The following DAP3 variants were observed in gnomAD, a reference collection of about 807,000 sequenced individuals.
DAP3 encodes death associated protein 3.
A neutral mutation model predicts 51.9 loss-of-function variants in DAP3; 28 were observed. The observed-to-expected ratio is 0.54, with a 90% CI of 0.40 to 0.74. The LOEUF is 0.74. DAP3 is among the 30% of genes least tolerant of loss of function. DAP3 has a pLI of 0.00. For missense variants in DAP3, 458 were observed against 483.5 expected, an observed-to-expected ratio of 0.95 and a Z score of 0.49; for synonymous variants, 170 against 170.3, an observed-to-expected ratio of 1.00 and a Z score of 0.01.
intron 1 of DAP3, among the ~76,000 whole-genome samples, chr1:155,698,979 G>A (rs1349007218): frequency 6.6e-6 from 1 of 152,168 alleles, no homozygotes; most frequent in Non-Finnish European, 1.5e-5. Flanking sequence ...GCACCAGAAT[G>A]TAGGGGACCA....
At chr1:155,689,073 A>T (rs41264949), upstream of DAP3, 2 of 1,495,176 alleles carry the variant, frequency 1.3e-6, no homozygotes, top group East Asian at 2.4e-5. Context: ...TTCCTGCCGG[A>T]TGACCCGACC....
Position 155,717,093 on chromosome 1 carries a change from C to G in DAP3, c.133C>G (p.Pro45Ala), listed in dbSNP as rs370236932. 2.5e-6 allele frequency: 4 copies of G among 1,613,972 alleles called. No homozygotes were observed. Among genetic ancestry groups the G allele is most frequent in the Non-Finnish European group, 3.4e-6 (4 of 1,180,048 alleles). Residue 45 changes from proline to alanine, a missense_variant, in exon 3 of 13, where the codon CCG (proline) becomes GCG (alanine). Transcript: ENST00000368336. ...HLDNQVPVESPRAISRTNEND... is the reference protein window; with the variant it reads ...HLDNQVPVESARAISRTNEND... Reference sequence around the variant, plus strand: ...AGATAACCAGGTTCCAGTTGAGAGTCCGAGAGCTATTTCCCGCACCAATGA... The same window carrying G: ...AGATAACCAGGTTCCAGTTGAGAGTGCGAGAGCTATTTCCCGCACCAATGA...
At chr1:155,737,742 T>C (rs1659952400) in intron 12 of DAP3, among the ~76,000 whole-genome samples, 1 of 150,146 alleles carries the variant, frequency 6.7e-6, no homozygotes, top group East Asian at 2.0e-4. Context: ...CTAGGCAATA[T>C]AGTGAGACCC....
intron 2 of DAP3, among the ~76,000 whole-genome samples, chr1:155,710,904 T>C (rs1221848241): frequency 6.6e-6 from 1 of 152,078 alleles, no homozygotes; most frequent in Non-Finnish European, 1.5e-5. Context: ...TATGGTGCTC[T>C]TACAGCACCA....
chr1:155,700,519 GGGGC>G (rs1489811602), intron 1 of DAP3, among the ~76,000 whole-genome samples: 8 of 150,036 alleles, frequency 5.3e-5, no homozygotes, highest in South Asian at 4.2e-4. Flanking sequence ...GGAGGTGGGG[GGGGC>G]GGTCAGCCCC....
intron 1 of DAP3, 84 bp downstream of exon 1, chr1:155,689,258 C>A: frequency 1.5e-6 from 1 of 669,780 alleles, no homozygotes; most frequent in Non-Finnish European, 2.7e-6. Flanking sequence ...GGAGTGAGGC[C>A]GGTAGACCGG....
rs1659236117 is a variant in DAP3 at position 155,731,426 on chromosome 1, A to G, written c.903+11A>G. On this transcript the variant is annotated intron_variant, in intron 10 of 12. Coordinates refer to ENST00000368336, the MANE Select transcript of DAP3 (RefSeq NM_004632.4). ...ATGAAAAATGATTGGGTAAGTGCAT[A>G]TGATACCTCACACATTTCAGAAAGA... 1.9e-6 allele frequency: 3 copies of G among 1,612,752 alleles called. No homozygotes were observed. Among genetic ancestry groups the G allele is most frequent in the Non-Finnish European group, 8.5e-7 (1 of 1,178,830 alleles).
At chr1:155,697,522 T>C (rs1378452076) in intron 1 of DAP3, among the ~76,000 whole-genome samples, 2 of 152,108 alleles carry the variant, frequency 1.3e-5, no homozygotes, top group Non-Finnish European at 2.9e-5. Flanking sequence ...GGTTCCATGA[T>C]GCCCCTGAGC....
At position 155,702,108 on chromosome 1, in the gene DAP3, T is replaced by TAA. The variant is rs58504391; in HGVS notation, c.-7-7653_-7-7652dup. Among the ~76,000 whole-genome samples the TAA allele has an allele frequency of 4.6e-4, 41 of 89,110 alleles. No homozygotes were observed. In the Middle Eastern group the frequency reaches 0.028, roughly 61 times the overall value. The allele number at this position is 89,110 out of a possible 152,430, so 58.5% of individuals were successfully genotyped here. On this transcript the variant is annotated intron_variant, in intron 1 of 12. Transcript: ENST00000368336. ...TTCTGTACCTGGTTGATCATGCCTG[T>TAA]AAAAAAAAAAAAATTAAAAATTAAA...
intron 4 of DAP3, 56 bp from the exon 5 acceptor site, chr1:155,725,326 C>T: frequency 8.7e-6 from 13 of 1,490,494 alleles, no homozygotes; most frequent in Non-Finnish European, 1.2e-5. Flanking sequence ...TATATACCAC[C>T]CCCCACCCAC....
At chr1:155,704,652 T>A (rs1486090502) in intron 1 of DAP3, among the ~76,000 whole-genome samples, 1 of 152,180 alleles carries the variant, frequency 6.6e-6, no homozygotes, top group Non-Finnish European at 1.5e-5. Context: ...ATATGCTTCT[T>A]GAATGACTGA....
chr1:155,702,130 T>TA (rs934239146), intron 1 of DAP3, among the ~76,000 whole-genome samples: 20 of 118,248 alleles, frequency 1.7e-4, no homozygotes, highest in South Asian at 8.3e-4. Flanking sequence ...AATTAAAAAT[T>TA]AAAAAAATTG....
chr1:155,702,329 T>C (rs1389868903), intron 1 of DAP3, among the ~76,000 whole-genome samples: 2 of 151,622 alleles, frequency 1.3e-5, no homozygotes, highest in Non-Finnish European at 2.9e-5. Context: ...AAAAATTAGC[T>C]GGGCATGGTG....
intron 1 of DAP3, among the ~76,000 whole-genome samples, chr1:155,698,401 TCTG>T (rs1377087205): frequency 6.6e-6 from 1 of 152,220 alleles, no homozygotes; most frequent in Non-Finnish European, 1.5e-5. Context: ...TTTATGTTCT[TCTG>T]CCATGGCTTC....
chr1:155,712,400 G>T (rs1273510532), intron 2 of DAP3, among the ~76,000 whole-genome samples: 1 of 152,216 alleles, frequency 6.6e-6, no homozygotes, highest in Admixed American at 6.5e-5. Flanking sequence ...ATCACCTGAG[G>T]TCGGGAGTTC....
chr1:155,689,355 T>C, intron 1 of DAP3, 181 bp downstream of exon 1: 1 of 535,520 alleles, frequency 1.9e-6, no homozygotes. Context: ...CTTTTTGTTG[T>C]TGTTAACCCT....
chr1:155,721,378 GTGTATATATATATGTATGTATGTA>G, intron 3 of DAP3, 115 bp from the exon 4 acceptor site: 6 of 387,306 alleles, frequency 1.5e-5, no homozygotes, highest in African/African-American at 4.5e-5. Context: ...ATGTATGTAT[GTGTATATATATATGTATGTATGTA>G]TATATATATA....
chr1:155,723,483 C>T (rs1461574464), intron 4 of DAP3, among the ~76,000 whole-genome samples: 1 of 152,126 alleles, frequency 6.6e-6, no homozygotes, highest in Non-Finnish European at 1.5e-5. Context: ...TGCTCGCCAC[C>T]ACGCCTGGCT....
Position 155,710,030 on chromosome 1 carries a change from A to G in DAP3, c.45+206A>G, listed in dbSNP as rs540017090. The G allele has an allele frequency of 2.7e-4, 121 of 449,802 alleles. 1 individual carries two copies. Among genetic ancestry groups the G allele is most frequent in the African/African-American group, 2.2e-3 (110 of 51,142 alleles). The allele number at this position is 449,802 out of a possible 1,614,324, so 27.9% of individuals were successfully genotyped here. On this transcript the variant is annotated intron_variant, in intron 2 of 12. Coordinates refer to ENST00000368336, the MANE Select transcript of DAP3 (RefSeq NM_004632.4). ...AGAAAACATAAGTAAGTTTGACTGT[A>G]ATTATCTTTATTAACTTTATTTCTC...
Sources: allele counts gnomAD v4.1 joint callset (sites outside exome capture counted in the v4.1 genomes callset), GRCh38; gene constraint gnomAD v4.1.1; transcripts MANE v1.5; gene names NCBI Gene and HGNC (gene_info 2026-07-23, HGNC 2026-07-21).